Variants in EYS observed in about 807,000 individuals in gnomAD.
The protein encoded by EYS is protein eyes shut homolog.
EYS carries 250 observed loss-of-function variants against 282.1 expected under a neutral mutation model. The observed-to-expected ratio is 0.89, with a 90% CI of 0.80 to 0.98. EYS has a LOEUF of 0.98. EYS is among the 50% of genes least tolerant of loss of function. EYS has a pLI of 0.00. For missense variants in EYS, 4,016 were observed against 3,709.0 expected (o/e 1.08, Z -2.15); for synonymous variants, 1,355 against 1,282.9 (o/e 1.06, Z -1.20).
intron 13 of EYS, among the ~76,000 whole-genome samples, chr6:65,044,282 A>G (rs1465666372): frequency 6.6e-6 from 1 of 150,994 alleles, no homozygotes. Flanking sequence ...TATATTTTGG[A>G]TATTAATTCC....
chr6:63,749,463 T>C (rs1371868137), intron 41 of EYS, among the ~76,000 whole-genome samples: 1 of 152,142 alleles, frequency 6.6e-6, no homozygotes, highest in Non-Finnish European at 1.5e-5. Flanking sequence ...TATTTTGTTG[T>C]TTTTGGGTGG....
intron 19 of EYS, among the ~76,000 whole-genome samples, chr6:64,851,771 G>A (rs1227906673): frequency 6.6e-6 from 1 of 151,972 alleles, no homozygotes; most frequent in Non-Finnish European, 1.5e-5. Context: ...ATATACAGGG[G>A]AAAAATACAC....
chr6:65,107,882 C>A (rs993094807), intron 12 of EYS, among the ~76,000 whole-genome samples: 5 of 151,936 alleles, frequency 3.3e-5, no homozygotes, highest in Admixed American at 2.6e-4. Context: ...ATAGTTAATG[C>A]AATATTTCAT....
At chr6:65,384,269 T>C (rs910257375) in intron 8 of EYS, 117 bp downstream of exon 8, 10 of 664,666 alleles carry the variant, frequency 1.5e-5, no homozygotes, top group African/African-American at 3.6e-5. Flanking sequence ...CATTTAAATA[T>C]AGATATAAGG....
intron 30 of EYS, among the ~76,000 whole-genome samples, chr6:64,279,348 T>C (rs1476523086): frequency 3.9e-5 from 6 of 152,218 alleles, no homozygotes; most frequent in African/African-American, 1.4e-4. Context: ...TACATCAGCC[T>C]GAAGCCAAAA....
intron 33 of EYS, among the ~76,000 whole-genome samples, chr6:64,046,714 A>T (rs1770638608): frequency 6.6e-6 from 1 of 152,216 alleles, no homozygotes; most frequent in African/African-American, 2.4e-5. Context: ...AATAAACTTC[A>T]TCCAGTCAGC....
intron 22 of EYS, among the ~76,000 whole-genome samples, chr6:64,722,467 G>A (rs1192797770): frequency 6.7e-6 from 1 of 149,502 alleles, no homozygotes; most frequent in African/African-American, 2.5e-5. Flanking sequence ...CAAAGCAAAG[G>A]AAGACAACAT....
At chr6:65,223,225 G>A (rs746173590) in intron 12 of EYS, among the ~76,000 whole-genome samples, 1 of 151,986 alleles carries the variant, frequency 6.6e-6, no homozygotes, top group Non-Finnish European at 1.5e-5. Flanking sequence ...AAATTAGCTG[G>A]GCGTGGTGGT....
chr6:65,168,989 A>G (rs765270316), intron 12 of EYS, among the ~76,000 whole-genome samples: 3 of 151,380 alleles, frequency 2.0e-5, no homozygotes, highest in Non-Finnish European at 4.4e-5. Flanking sequence ...AGACATATCA[A>G]AACAATTGTT....
chr6:65,147,140 G>C, intron 12 of EYS, among the ~76,000 whole-genome samples: 1 of 151,710 alleles, frequency 6.6e-6, no homozygotes, highest in East Asian at 1.9e-4. Flanking sequence ...ACTTTTATTA[G>C]ATATGACTAA....
chr6:64,617,993 T>C (rs976344533), intron 23 of EYS, among the ~76,000 whole-genome samples: 3 of 152,160 alleles, frequency 2.0e-5, no homozygotes, highest in Admixed American at 2.0e-4. Flanking sequence ...TTGTGATACT[T>C]GTAGTATTAC....
chr6:64,959,860 A>G (rs576250556), intron 14 of EYS, among the ~76,000 whole-genome samples: 2 of 147,446 alleles, frequency 1.4e-5, no homozygotes, highest in Admixed American at 1.4e-4. Context: ...ACAGTTAAGT[A>G]GTTCACGACT....
chr6:65,548,958 T>A (rs1294999584), intron 2 of EYS, among the ~76,000 whole-genome samples: 1 of 151,630 alleles, frequency 6.6e-6, no homozygotes, highest in African/African-American at 2.4e-5. Flanking sequence ...GAGGGGAGGG[T>A]GGTTTCAGGA....
intron 31 of EYS, among the ~76,000 whole-genome samples, chr6:64,103,377 TAGA>T (rs1205087362): frequency 5.3e-5 from 8 of 152,198 alleles, no homozygotes; most frequent in Admixed American, 4.6e-4. Flanking sequence ...GGAGATATAC[TAGA>T]AGTAGACCCT....
At chr6:64,399,156 G>T (rs1376366275) in intron 28 of EYS, among the ~76,000 whole-genome samples, 2 of 151,580 alleles carry the variant, frequency 1.3e-5, no homozygotes, top group African/African-American at 4.8e-5. Context: ...AACACATTAA[G>T]ATATCAAATA....
chr6:64,418,118 A>G (rs535649308), intron 28 of EYS, among the ~76,000 whole-genome samples: 1 of 152,306 alleles, frequency 6.6e-6, no homozygotes, highest in East Asian at 1.9e-4. Flanking sequence ...GGGTGGGGCT[A>G]ATAGTTCCCT....
intron 31 of EYS, among the ~76,000 whole-genome samples, chr6:64,205,033 G>T (rs1310107344): frequency 6.6e-6 from 1 of 152,112 alleles, no homozygotes; most frequent in African/African-American, 2.4e-5. Flanking sequence ...TTAAGTGGTG[G>T]TAATACAGTT....
At chr6:64,448,875 C>A (rs1650686842) in intron 26 of EYS, among the ~76,000 whole-genome samples, 1 of 152,054 alleles carries the variant, frequency 6.6e-6, no homozygotes, top group Non-Finnish European at 1.5e-5. Flanking sequence ...TCATCAAAGA[C>A]CAGAGGTAGA....
chr6:64,373,987 G>A (rs1002474634), intron 29 of EYS, among the ~76,000 whole-genome samples: 2 of 151,966 alleles, frequency 1.3e-5, no homozygotes, highest in African/African-American at 4.8e-5. Flanking sequence ...GGGGATGCCT[G>A]CCCTTCCAGG....
Sources: allele counts gnomAD v4.1 joint callset (sites outside exome capture counted in the v4.1 genomes callset), GRCh38; gene constraint gnomAD v4.1.1; transcripts MANE v1.5; gene names NCBI Gene and HGNC (gene_info 2026-07-23, HGNC 2026-07-21).